Variants in ERC1 observed in about 807,000 individuals in gnomAD.
ERC1 encodes the protein RAB6 interacting protein 2.
A neutral mutation model predicts 132.0 loss-of-function variants in ERC1; 56 were observed. That is an observed-to-expected ratio of 0.42 (90% CI 0.34 to 0.53). The LOEUF is 0.53. Ranked by LOEUF, ERC1 falls within the 20% of genes least tolerant of loss-of-function variation. The pLI is 0.03. For synonymous variants in ERC1, 478 were observed against 476.1 expected (o/e 1.00, Z -0.05); for missense variants, 1,202 against 1,349.9 (o/e 0.89, Z 1.72).
At chr12:1,042,359 T>G (rs1224985846) in intron 2 of ERC1, among the ~76,000 whole-genome samples, 1 of 123,556 alleles carries the variant, frequency 8.1e-6, no homozygotes, top group Non-Finnish European at 1.8e-5. Context: ...TTTTTTTTCT[T>G]TTTTTGAAAT....
intron 12 of ERC1, among the ~76,000 whole-genome samples, chr12:1,203,301 G>A (rs377229498): frequency 2.0e-4 from 30 of 152,250 alleles, no homozygotes; most frequent in African/African-American, 7.2e-4. Context: ...CAGGTGATCT[G>A]CTTGCCTCGG....
At chr12:1,018,891 G>A (rs1025156285) in intron 1 of ERC1, among the ~76,000 whole-genome samples, 2 of 152,162 alleles carry the variant, frequency 1.3e-5, no homozygotes, top group African/African-American at 4.8e-5. Context: ...GGGCATGAAG[G>A]TTTGTGTAGG....
At chr12:1,433,735 G>A (rs1168149258) in intron 17 of ERC1, among the ~76,000 whole-genome samples, 2 of 152,208 alleles carry the variant, frequency 1.3e-5, no homozygotes, top group East Asian at 3.8e-4. Flanking sequence ...GTCAGCAGTA[G>A]CATCTCATGC....
intron 18 of ERC1, among the ~76,000 whole-genome samples, chr12:1,458,971 C>T (rs565267761): frequency 2.6e-5 from 4 of 152,122 alleles, no homozygotes; most frequent in East Asian, 1.9e-4. Context: ...TGGGAAAGCA[C>T]GTGATAATCC....
intron 16 of ERC1, chr12:1,391,082 TATTC>T (rs1223352890): frequency 6.6e-6 from 1 of 152,268 alleles, no homozygotes; most frequent in African/African-American, 2.4e-5. Flanking sequence ...AATTGTCTTT[TATTC>T]ATTCAGTTTG....
intron 2 of ERC1, among the ~76,000 whole-genome samples, chr12:1,046,842 A>T (rs1331230488): frequency 6.6e-6 from 1 of 152,136 alleles, no homozygotes; most frequent in Non-Finnish European, 1.5e-5. Flanking sequence ...AGATGGTGCC[A>T]CTCCACGGTA....
At chr12:1,148,972 A>G (rs570669378) in intron 8 of ERC1, among the ~76,000 whole-genome samples, 2 of 152,236 alleles carry the variant, frequency 1.3e-5, no homozygotes, top group Admixed American at 1.3e-4. Context: ...CATTCTGTGT[A>G]CTTTTTTTGT....
rs1418401452 is a variant in ERC1 at position 1,236,649 on chromosome 12, C to G, written c.2352-120C>G. The G allele has an allele frequency of 1.6e-5, 15 of 965,174 alleles. No individual in the cohort carries two copies. In the South Asian group the frequency reaches 3.3e-4, roughly 21 times the overall value. 59.8% of individuals were successfully genotyped at this position (965,174 alleles called of 1,614,324 possible). A position where few individuals can be genotyped will look rare whatever the true frequency, so the allele number is the denominator to read the frequency against. ...TTGGAATTGTTGAAAAATTTCGCAG[C>G]ATGTATTTATTCGTTGGTTTTCAGC... On this transcript the variant is annotated intron_variant, in intron 12 of 18. Coordinates refer to ENST00000360905, the MANE Select transcript of ERC1 (RefSeq NM_178040.4).
At chr12:991,558 C>T (rs1414840419) in intron 1 of ERC1, 2 of 151,868 alleles carry the variant, frequency 1.3e-5, no homozygotes, top group Admixed American at 1.3e-4. Context: ...CCACCCAGAC[C>T]ACCGGCGCCC....
intron 1 of ERC1, among the ~76,000 whole-genome samples, chr12:1,023,421 T>TC (rs1352807623): frequency 2.0e-5 from 3 of 151,498 alleles, no homozygotes; most frequent in Admixed American, 6.6e-5. Context: ...TTTTTTTTTT[T>TC]CCCCTGCAGC....
chr12:1,360,968 G>A (rs2086037037), intron 15 of ERC1, among the ~76,000 whole-genome samples: 1 of 151,744 alleles, frequency 6.6e-6, no homozygotes, highest in Non-Finnish European at 1.5e-5. Flanking sequence ...CAGCTACTTG[G>A]TATGTAGTCC....
At chr12:1,424,860 A>ATC (rs2092575936) in intron 17 of ERC1, among the ~76,000 whole-genome samples, 2 of 110,666 alleles carry the variant, frequency 1.8e-5, no homozygotes, top group Non-Finnish European at 1.8e-5. Context: ...ATAGATAGAT[A>ATC]GATCGATAGA....
chr12:1,469,560 G>A (rs2093814757), intron 18 of ERC1, among the ~76,000 whole-genome samples: 1 of 152,262 alleles, frequency 6.6e-6, no homozygotes, highest in Admixed American at 6.5e-5. Flanking sequence ...TAAACTGTGT[G>A]AAGCCATGTG....
chr12:1,040,937 C>A (rs1252968283), intron 2 of ERC1, among the ~76,000 whole-genome samples: 2 of 152,120 alleles, frequency 1.3e-5, no homozygotes, highest in African/African-American at 4.8e-5. Context: ...CCTGAGATAA[C>A]TGCTCTGATC....
chr12:1,406,972 A>G (rs2091536631), intron 16 of ERC1, among the ~76,000 whole-genome samples: 1 of 152,230 alleles, frequency 6.6e-6, no homozygotes. Context: ...TTCAAGTTTT[A>G]ACAATATTTT....
intron 2 of ERC1, among the ~76,000 whole-genome samples, chr12:1,075,573 C>T (rs758326695): frequency 3.3e-5 from 5 of 152,060 alleles, no homozygotes; most frequent in Admixed American, 6.6e-5. Flanking sequence ...CACCTGTAAT[C>T]CCTGCTACTC....
intron 15 of ERC1, among the ~76,000 whole-genome samples, chr12:1,349,663 A>T (rs1237287388): frequency 2.0e-5 from 3 of 147,924 alleles, no homozygotes; most frequent in Admixed American, 6.7e-5. Flanking sequence ...GACCGTCTAA[A>T]AAAAAAAAAA....
At chr12:1,382,863 G>GT (rs959981602) in intron 16 of ERC1, among the ~76,000 whole-genome samples, 1 of 152,072 alleles carries the variant, frequency 6.6e-6, no homozygotes, top group African/African-American at 2.4e-5. Flanking sequence ...AAAAATCTTG[G>GT]TTTTTTTGAA....
intron 17 of ERC1, among the ~76,000 whole-genome samples, chr12:1,411,092 C>A (rs1382411244): frequency 5.9e-5 from 9 of 152,014 alleles, no homozygotes; most frequent in East Asian, 1.9e-4. Flanking sequence ...TCTAAAAATT[C>A]TTTTCCCTCC....
Sources: gnomAD v4.1 joint callset for allele counts (sites outside exome capture counted in the v4.1 genomes callset) on GRCh38, gnomAD v4.1.1 for gene constraint, MANE v1.5 for transcripts, NCBI Gene and HGNC (gene_info 2026-07-23, HGNC 2026-07-21) for gene names.